The following CEP290 variants were observed in gnomAD, a reference collection of about 807,000 sequenced individuals.
CEP290 encodes centrosomal protein of 290 kDa.
In CEP290, 317 loss-of-function variants were observed where a neutral mutation model predicts 344.9. The observed-to-expected ratio is 0.92, with a 90% CI of 0.84 to 1.01. The LOEUF (loss-of-function observed/expected upper bound fraction) is 1.01, where lower values mean the gene tolerates loss of function less well. CEP290 is among the 50% of genes least tolerant of loss of function. The pLI is 0.00. For synonymous variants in CEP290, 932 were observed against 895.8 expected (o/e 1.04, Z -0.72); for missense variants, 2,754 against 2,761.4 (o/e 1.00, Z 0.06).
At chr12:88,107,643 G>C (rs1377490186) in intron 23 of CEP290, among the ~76,000 whole-genome samples, 1 of 151,516 alleles carries the variant, frequency 6.6e-6, no homozygotes, top group African/African-American at 2.4e-5. Flanking sequence ...GAAGTATGCT[G>C]TAATCCCAGC....
At chr12:88,061,075 A>G in intron 46 of CEP290, 81 bp from the exon 47 acceptor site, 1 of 959,448 alleles carries the variant, frequency 1.0e-6, no homozygotes, top group Non-Finnish European at 1.5e-6. Context: ...CAGGCTTATT[A>G]TACTCAATAA....
rs1196603979 is a variant in CEP290, at chr12:88,049,346, A to T, written c.7278T>A (p.Asp2426Glu). 6.3e-7 allele frequency: 1 copy of T among 1,580,908 alleles called. No individual in the cohort carries two copies. The highest frequency in any genetic ancestry group is 8.6e-7 in the Non-Finnish European group (1 of 1,159,042). The change falls in exon 54 of 54, where the codon GAT (aspartate) becomes GAA (glutamate). Residue 2426 changes from aspartate (D) to glutamate (E), a missense_variant. Asp to Glu is a conservative substitution (Grantham distance 45). Transcript: ENST00000552810. ...FDPSFFEEIE[D>E]LKYNYKEEVK... The stretch of plus-strand genomic sequence containing the variant: ...CTTCTTCCTTGTAATTATACTTAAG[A>T]TCTTCAATTTCTTCAAAAAATGAAG...
Position 88,068,656 on chromosome 12 carries a change from C to T in CEP290, c.6012-11G>A. Reference sequence around the variant, plus strand: ...AGAGCTTGGTGGGCCCTATGAACAACAATCACAGACTCTTTACTATTCACA... The same window carrying T: ...AGAGCTTGGTGGGCCCTATGAACAATAATCACAGACTCTTTACTATTCACA... On this transcript the variant is annotated splice_polypyrimidine_tract_variant and intron_variant, in intron 43 of 53. Coordinates refer to ENST00000552810, the MANE Select transcript of CEP290 (RefSeq NM_025114.4). 2 of 1,587,322 alleles carry T rather than the reference C, an allele frequency of 1.3e-6. No individual in the cohort carries two copies. The highest frequency in any genetic ancestry group is 1.7e-4 in the Middle Eastern group (1 of 5,960).
chr12:88,110,760 A>C (rs2038630381), intron 22 of CEP290, among the ~76,000 whole-genome samples: 1 of 152,172 alleles, frequency 6.6e-6, no homozygotes, highest in Non-Finnish European at 1.5e-5. Context: ...CAATTCTATC[A>C]TGACACTAAA....
rs780234370 is a variant in CEP290 at position 88,106,658 on chromosome 12, A to C, written c.2817+17T>G. 4.5e-6 allele frequency: 7 copies of C among 1,562,932 alleles called. No individual in the cohort carries two copies. The East Asian group carries it at 1.6e-4, about 35-fold the overall frequency. On this transcript the variant is annotated intron_variant, in intron 25 of 53. Transcript: ENST00000552810. ...ATTTTTCATAGTCAGAAAAAGCAAA[A>C]TAAGAATCAGATGTACCTTAAATCT...
At chr12:88,135,404 A>G (rs1279128665) in intron 6 of CEP290, among the ~76,000 whole-genome samples, 2 of 152,174 alleles carry the variant, frequency 1.3e-5, no homozygotes, top group African/African-American at 2.4e-5. Flanking sequence ...TAGAAGAACA[A>G]AAGTCCAGAA....
intron 39 of CEP290, 94 bp from the exon 40 acceptor site, chr12:88,078,012 A>C: frequency 3.7e-6 from 2 of 542,098 alleles, no homozygotes; most frequent in Admixed American, 4.0e-5. Context: ...ATTATAAGAA[A>C]AATTCAGTCT....
chr12:88,077,687 A>G lies in CEP290; in HGVS notation c.5586+10T>C. 1 of 1,439,200 alleles carries G rather than the reference A, an allele frequency of 6.9e-7. No individual in the cohort carries two copies. The highest frequency in any genetic ancestry group is 9.5e-7 in the Non-Finnish European group (1 of 1,053,062). The allele number at this position is 1,439,200 out of a possible 1,614,324, so 89.2% of individuals were successfully genotyped here. On this transcript the variant is annotated intron_variant, in intron 40 of 53. Coordinates refer to ENST00000552810, the MANE Select transcript of CEP290 (RefSeq NM_025114.4). ...AAATCAGACATTATCAGAGTTAAAT[A>G]TAAAATTACCTGTAATCCACTGGTT...
In CEP290 at chr12:88,118,558, CTA is replaced by C; in HGVS notation, c.1634_1635del (p.Leu545ArgfsTer6). The C allele has an allele frequency of 3.1e-6, 5 of 1,595,804 alleles. No individual in the cohort carries two copies. Among genetic ancestry groups the C allele is most frequent in the Non-Finnish European group, 4.3e-6 (5 of 1,169,586 alleles). Reference sequence around the variant, plus strand: ...TTTTTCAGATCAAGTCGTTCTTCCTCTAGACTTTCAATCTGCAAAGTATAAAT... The same window carrying C: ...TTTTTCAGATCAAGTCGTTCTTCCTCGACTTTCAATCTGCAAAGTATAAAT... ...NQILLKEIES[L>X]EEERLDLKKK... On this transcript the variant is annotated frameshift_variant, in exon 17 of 54. Transcript: ENST00000552810. LOFTEE classifies it high-confidence loss of function.
At chr12:88,121,754 A>G (rs1476435304) in intron 13 of CEP290, among the ~76,000 whole-genome samples, 3 of 152,178 alleles carry the variant, frequency 2.0e-5, no homozygotes, top group Non-Finnish European at 4.4e-5. Context: ...AGGCACAGCA[A>G]CAAGAGACAG....
rs760283430 is a variant in CEP290 at position 88,106,729 on chromosome 12, C to T, written c.2763G>A (p.Leu921=). The T allele has an allele frequency of 2.7e-5, 43 of 1,611,892 alleles. No individual in the cohort carries two copies. Among genetic ancestry groups the T allele is most frequent in the Non-Finnish European group, 3.5e-5 (41 of 1,179,032 alleles). Residue 921 remains leucine, a synonymous_variant, in exon 25 of 54, where the codon TTG becomes TTA. Transcript: ENST00000552810. ...RKENEKQKNE[L]LSMEAEVCEK... is the part of the protein sequence containing the mutation. ...CACAAACTTCAGCCTCCATTGACAA[C>T]AATTCATTCTTTTGCTTCTCATTTT... is the stretch of plus-strand genomic sequence containing the variant.
At chr12:88,077,403 T>A in intron 40 of CEP290, 59 bp from the exon 41 acceptor site, 2 of 1,142,582 alleles carry the variant, frequency 1.8e-6, no homozygotes, top group Non-Finnish European at 1.2e-6. Flanking sequence ...AAATAGACAG[T>A]AAATATTTCA....
At chr12:88,129,955 G>T in intron 9 of CEP290, 79 bp from the exon 10 acceptor site, 1 of 894,802 alleles carries the variant, frequency 1.1e-6, no homozygotes, top group Non-Finnish European at 1.6e-6. Flanking sequence ...ATTAAACGCA[G>T]CCATAAGTGT....
rs563967678 is a variant in CEP290 at position 88,077,740 on chromosome 12, T to C, written c.5543A>G (p.Asp1848Gly). 15 of 1,578,214 alleles carry C rather than the reference T, an allele frequency of 9.5e-6. No homozygotes were observed. The Middle Eastern group carries it at 1.1e-3, about 114-fold the overall frequency. ...TCTTTTAATTTGCCTTTTCAGTTCA[T>C]CATTCTCTTGATCAATTTCCTCTTT... is the stretch of plus-strand genomic sequence containing the variant. ...REKEEIDQEN[D>G]ELKRQIKRLT... The change falls in exon 40 of 54, where the codon GAT (aspartate) becomes GGT (glycine). Residue 1848 changes from aspartate to glycine, a missense_variant. Transcript: ENST00000552810.
In CEP290 at chr12:88,141,290, G is replaced by A. The variant is rs1303163677; in HGVS notation, c.18C>T (p.Asn6=). 1 of 1,610,570 alleles carries A rather than the reference G, an allele frequency of 6.2e-7. No individual in the cohort carries two copies. The highest frequency in any genetic ancestry group is 1.7e-5 in the Admixed American group (1 of 59,494). The part of the protein sequence containing the change: MPPNI[N]WKEIMKVDPD... ...GGTCAACTTTCATTATTTCTTTCCA[G>A]TTTATATTAGGTGGCATCTTGAATT... The change falls in exon 2 of 54, where the codon AAC becomes AAT. Residue 6 remains asparagine, a synonymous_variant. Transcript: ENST00000552810.
intron 27 of CEP290, among the ~76,000 whole-genome samples, chr12:88,095,724 T>C (rs991612290): frequency 5.3e-5 from 8 of 152,172 alleles, no homozygotes; most frequent in African/African-American, 1.4e-4. Flanking sequence ...AAACCTTGAA[T>C]AGCTCTAACG....
intron 26 of CEP290, among the ~76,000 whole-genome samples, chr12:88,101,819 A>G (rs907117687): frequency 3.9e-5 from 6 of 152,198 alleles, no homozygotes; most frequent in Non-Finnish European, 7.3e-5. Flanking sequence ...AATGGAAAAA[A>G]ATAAATTATC....
intron 7 of CEP290, 35 bp downstream of exon 7, chr12:88,131,130 T>A (rs752651883): frequency 6.9e-7 from 1 of 1,456,624 alleles, no homozygotes; most frequent in Non-Finnish European, 9.1e-7. Flanking sequence ...AATAAGTACC[T>A]TTGTTGAACC....
chr12:88,095,661 C>T (rs982337157), intron 27 of CEP290, among the ~76,000 whole-genome samples: 22 of 152,256 alleles, frequency 1.4e-4, no homozygotes, highest in Middle Eastern at 6.8e-3. Context: ...TTAGGCTTCT[C>T]TAAACCAAGT....
Sources: gnomAD v4.1 joint callset for allele counts (sites outside exome capture counted in the v4.1 genomes callset) on GRCh38, gnomAD v4.1.1 for gene constraint, MANE v1.5 for transcripts, NCBI Gene and HGNC (gene_info 2026-07-23, HGNC 2026-07-21) for gene names.